RBPMS: variants seen among roughly 807,000 people sequenced by gnomAD.
The protein encoded by RBPMS is RNA binding protein, mRNA processing factor.
In RBPMS, 7 loss-of-function variants were observed where a neutral mutation model predicts 26.8. The ratio of observed to expected loss-of-function variants is 0.26; its 90% CI spans 0.15 to 0.49. RBPMS has a LOEUF of 0.49. Among genes scored for constraint, RBPMS ranks in the 20% least tolerant of loss-of-function variants. RBPMS has a pLI of 0.98. For missense variants in RBPMS, 186 were observed against 250.0 expected (o/e 0.74, Z 1.73); for synonymous variants, 96 against 93.3 (o/e 1.03, Z -0.17).
intron 1 of RBPMS, among the ~76,000 whole-genome samples, chr8:30,453,297 C>T (rs757027290): frequency 2.0e-5 from 3 of 152,266 alleles, no homozygotes; most frequent in African/African-American, 4.8e-5. Context: ...TCAGCCCCCA[C>T]GTTAGATCTA....
At chr8:30,528,002 C>A (rs950655933) in intron 5 of RBPMS, among the ~76,000 whole-genome samples, 1 of 151,942 alleles carries the variant, frequency 6.6e-6, no homozygotes, top group Non-Finnish European at 1.5e-5. Flanking sequence ...ATGGTGAAAC[C>A]CCGTCTCTAC....
chr8:30,510,140 G>T (rs1465456886), intron 5 of RBPMS, among the ~76,000 whole-genome samples: 1 of 152,162 alleles, frequency 6.6e-6, no homozygotes, highest in Non-Finnish European at 1.5e-5. Context: ...TGCTGTTGCT[G>T]TAGAGCACTG....
In RBPMS at chr8:30,478,899, A is replaced by G. The variant is rs1184068861; in HGVS notation, c.184-416A>G. On this transcript the variant is annotated intron_variant, in intron 3 of 8. Transcript: ENST00000397323. ...AGTCCAGGGGTTTTATCATTGTGTC[A>G]TTGTATTCTTGCACTTACAGTGTAC... Among the ~76,000 whole-genome samples the G allele has an allele frequency of 2.0e-5, 3 of 152,156 alleles. No homozygotes were observed. The East Asian group carries it at 5.8e-4, about 29-fold the overall frequency.
At chr8:30,438,262 T>C (rs1196623959) in intron 1 of RBPMS, among the ~76,000 whole-genome samples, 1 of 152,176 alleles carries the variant, frequency 6.6e-6, no homozygotes, top group Non-Finnish European at 1.5e-5. Flanking sequence ...TGTGTTGGCC[T>C]TTTACTTTCC....
At chr8:30,545,190 G>T in intron 6 of RBPMS, 3 of 1,294,832 alleles carry the variant, frequency 2.3e-6, no homozygotes, top group Non-Finnish European at 3.0e-6. Context: ...GGAGATACAA[G>T]ATAGTGTCTA....
In RBPMS at chr8:30,570,975, A is replaced by ATATC. The variant is rs1585920554; in HGVS notation, c.*454_*457dup. 2 of 152,338 alleles carry ATATC rather than the reference A, an allele frequency of 1.3e-5. No homozygotes were observed. Among genetic ancestry groups the ATATC allele is most frequent in the East Asian group, 3.9e-4 (2 of 5,186 alleles). 9.4% of individuals were successfully genotyped at this position (152,338 alleles called of 1,614,324 possible). On this transcript the variant is annotated 3_prime_UTR_variant, in exon 9 of 9. Coordinates refer to ENST00000397323, the MANE Select transcript of RBPMS (RefSeq NM_001008710.3). The stretch of plus-strand genomic sequence containing the variant: ...GACTTTTGAATGCTTGTAATTAAAA[A>ATATC]TATCTATTTTTTTCCTCTGAAGTAA...
chr8:30,427,778 G>A (rs967879687), intron 1 of RBPMS, among the ~76,000 whole-genome samples: 3 of 152,118 alleles, frequency 2.0e-5, no homozygotes, highest in Admixed American at 6.5e-5. Context: ...AACACAGGAC[G>A]CAGATTCTAG....
chr8:30,493,245 A>AT (rs1348489771), intron 4 of RBPMS, among the ~76,000 whole-genome samples: 39 of 152,188 alleles, frequency 2.6e-4, no homozygotes, highest in Admixed American at 7.9e-4. Context: ...ATTTAACTGA[A>AT]TTGAGAGCTA....
chr8:30,522,872 A>G (rs1000270720), intron 5 of RBPMS, among the ~76,000 whole-genome samples: 1 of 152,184 alleles, frequency 6.6e-6, no homozygotes, highest in African/African-American at 2.4e-5. Context: ...TAATTTGAGA[A>G]TGGTATTTTC....
chr8:30,477,852 G>GT lies in RBPMS; in HGVS notation c.183+16dup, dbSNP rs1007177784. ...CATCTAAACAGGTAAGAATTTCAAA[G>GT]TGGCATATAAAGATCACTTTTTTAC... On this transcript the variant is annotated intron_variant, in intron 3 of 8. Transcript: ENST00000397323. 7.0e-6 allele frequency: 11 copies of GT among 1,573,072 alleles called. No individual in the cohort carries two copies. The highest frequency in any genetic ancestry group is 9.6e-6 in the Non-Finnish European group (11 of 1,143,500).
chr8:30,494,232 G>A (rs1819695142), intron 4 of RBPMS, among the ~76,000 whole-genome samples: 1 of 152,222 alleles, frequency 6.6e-6, no homozygotes, highest in Non-Finnish European at 1.5e-5. Flanking sequence ...CAGCTCAGGT[G>A]TCCTGCTGCT....
chr8:30,425,553 C>A (rs1192206041), intron 1 of RBPMS, among the ~76,000 whole-genome samples: 2 of 152,022 alleles, frequency 1.3e-5, no homozygotes, highest in African/African-American at 4.8e-5. Context: ...GCATGTGCCA[C>A]CACGCCCCGC....
chr8:30,472,417 G>C (rs1327236090), intron 1 of RBPMS, among the ~76,000 whole-genome samples: 1 of 152,222 alleles, frequency 6.6e-6, no homozygotes, highest in Non-Finnish European at 1.5e-5. Context: ...TGGTGGGACA[G>C]AGTGGGAGGA....
intron 1 of RBPMS, among the ~76,000 whole-genome samples, chr8:30,414,863 C>T (rs191765159): frequency 6.6e-6 from 1 of 152,294 alleles, no homozygotes; most frequent in Admixed American, 6.5e-5. Context: ...CATGACACCA[C>T]ACTTGGTTGA....
intron 4 of RBPMS, among the ~76,000 whole-genome samples, chr8:30,489,817 T>C (rs968088671): frequency 6.6e-6 from 1 of 151,836 alleles, no homozygotes; most frequent in Admixed American, 6.6e-5. Context: ...TGTTTTGTTT[T>C]GTTTTGTTTT....
chr8:30,550,138 G>C (rs1395047640), intron 6 of RBPMS, among the ~76,000 whole-genome samples: 1 of 152,164 alleles, frequency 6.6e-6, no homozygotes, highest in Non-Finnish European at 1.5e-5. Flanking sequence ...GCGCCTGGGG[G>C]CGATTTCTAT....
intron 8 of RBPMS, among the ~76,000 whole-genome samples, chr8:30,569,846 G>A (rs1048322055): frequency 3.3e-5 from 5 of 152,154 alleles, no homozygotes; most frequent in Non-Finnish European, 7.4e-5. Flanking sequence ...ATACTTAAGC[G>A]GATGTGCTAG....
intron 5 of RBPMS, among the ~76,000 whole-genome samples, chr8:30,520,402 G>A (rs569990215): frequency 3.9e-5 from 6 of 152,134 alleles, no homozygotes; most frequent in South Asian, 2.1e-4. Flanking sequence ...TCGTGAACTC[G>A]TGTTTTTTAG....
intron 6 of RBPMS, among the ~76,000 whole-genome samples, chr8:30,554,781 A>C (rs538324913): frequency 1.8e-4 from 28 of 152,190 alleles, no homozygotes; most frequent in Non-Finnish European, 2.2e-4. Context: ...CAGTCCAACC[A>C]GAGAGTATTT....
Sources: gnomAD v4.1 joint callset for allele counts (sites outside exome capture counted in the v4.1 genomes callset) on GRCh38, gnomAD v4.1.1 for gene constraint, MANE v1.5 for transcripts, NCBI Gene and HGNC (gene_info 2026-07-23, HGNC 2026-07-21) for gene names.